Variants in ACTA2 observed in about 807,000 individuals in gnomAD.
ACTA2 encodes actin, aortic smooth muscle.
ACTA2 carries 12 observed loss-of-function variants against 39.5 expected under a neutral mutation model. The observed-to-expected ratio is 0.30, with a 90% CI of 0.19 to 0.49. ACTA2 has a LOEUF of 0.49. Among genes scored for constraint, ACTA2 ranks in the 20% least tolerant of loss-of-function variants. The pLI is 0.99. For synonymous variants in ACTA2, 158 were observed against 180.6 expected (o/e 0.88, Z 1.00); for missense variants, 236 against 498.8 (o/e 0.47, Z 5.02).
chr10:88,940,031 A>G (rs79865101), intron 6 of ACTA2: 9,366 of 374,012 alleles, frequency 0.025, 224 homozygotes, highest in South Asian at 0.078. Context: ...GGGCAGGATA[A>G]CTACTCTGTG....
intron 1 of ACTA2, among the ~76,000 whole-genome samples, chr10:88,960,468 C>T (rs758195915): frequency 3.9e-5 from 6 of 152,074 alleles, no homozygotes; most frequent in South Asian, 2.1e-4. Context: ...ATATTACCAC[C>T]GAGTGTTTTG....
chr10:88,973,244 T>A, intron 1 of ACTA2: 4 of 1,612,682 alleles, frequency 2.5e-6, no homozygotes, highest in Non-Finnish European at 3.4e-6. Context: ...CCCTGAAAAT[T>A]GGCTATGGAC....
upstream of ACTA2, among the ~76,000 whole-genome samples, chr10:88,955,360 T>C (rs1846121250): frequency 6.6e-6 from 1 of 152,236 alleles, no homozygotes; most frequent in Admixed American, 6.5e-5. Flanking sequence ...TCTAGACTGA[T>C]CATATGCATT....
At chr10:88,949,423 A>G (rs987020151) in intron 1 of ACTA2, among the ~76,000 whole-genome samples, 1 of 152,208 alleles carries the variant, frequency 6.6e-6, no homozygotes, top group African/African-American at 2.4e-5. Flanking sequence ...TCAAAAAGCT[A>G]GATTTTTGAG....
At chr10:88,967,253 A>C (rs541617404) in intron 1 of ACTA2, among the ~76,000 whole-genome samples, 1 of 152,322 alleles carries the variant, frequency 6.6e-6, no homozygotes, top group African/African-American at 2.4e-5. Context: ...TAGTTGGAAC[A>C]GGACAAGACT....
intron 4 of ACTA2, among the ~76,000 whole-genome samples, chr10:88,943,107 C>T (rs1845885518): frequency 6.6e-6 from 1 of 152,172 alleles, no homozygotes; most frequent in Admixed American, 6.5e-5. Context: ...AAATGCTGAG[C>T]CCAGTACTTG....
intron 1 of ACTA2, among the ~76,000 whole-genome samples, chr10:88,952,116 A>T (rs1242127720): frequency 1.3e-5 from 2 of 152,202 alleles, no homozygotes; most frequent in African/African-American, 4.8e-5. Context: ...ATGACCAATG[A>T]TGTAGATCCA....
At chr10:88,938,748 G>A (rs879532100) in intron 7 of ACTA2, among the ~76,000 whole-genome samples, 1 of 150,530 alleles carries the variant, frequency 6.6e-6, no homozygotes, top group African/African-American at 2.5e-5. Flanking sequence ...GGGTGGGGGT[G>A]GGGGTCTGGA....
At chr10:88,966,167 G>C (rs1693554925) in intron 1 of ACTA2, among the ~76,000 whole-genome samples, 1 of 152,188 alleles carries the variant, frequency 6.6e-6, no homozygotes, top group Admixed American at 6.6e-5. Context: ...GAAGCACTTG[G>C]ACAGAGGGTA....
chr10:88,954,990 A>C (rs1330452845), upstream of ACTA2, among the ~76,000 whole-genome samples: 1 of 151,112 alleles, frequency 6.6e-6, no homozygotes, highest in Non-Finnish European at 1.5e-5. Flanking sequence ...GGGTTATGGA[A>C]CAATTAGAAA....
chr10:88,983,529 G>A (rs527619519), intron 1 of ACTA2, among the ~76,000 whole-genome samples: 1 of 132,148 alleles, frequency 7.6e-6, no homozygotes, highest in Non-Finnish European at 1.6e-5. Flanking sequence ...GTCTTTCCAA[G>A]TTTCTTTTCT....
At chr10:88,983,609 C>CAAAA (rs71022549) in intron 1 of ACTA2, among the ~76,000 whole-genome samples, 14 of 46,460 alleles carry the variant, frequency 3.0e-4, no homozygotes, top group Admixed American at 7.2e-4. Flanking sequence ...ACAGGTTATG[C>CAAAA]AAAAAAAAAA....
intron 8 of ACTA2, among the ~76,000 whole-genome samples, 192 bp downstream of exon 8, chr10:88,937,869 A>G (rs1845771692): frequency 6.6e-6 from 1 of 152,218 alleles, no homozygotes; most frequent in African/African-American, 2.4e-5. Flanking sequence ...CAAATTTTAT[A>G]TAAAGTAACT....
chr10:88,939,329 CT>C, intron 7 of ACTA2, 177 bp downstream of exon 7: 3 of 762,158 alleles, frequency 3.9e-6, no homozygotes, highest in Admixed American at 2.2e-5. Context: ...GGAAGAAAAC[CT>C]TTTTCCTGGC....
chr10:88,953,240 T>C (rs1046759299), upstream of ACTA2, among the ~76,000 whole-genome samples: 2 of 152,336 alleles, frequency 1.3e-5, no homozygotes, highest in Middle Eastern at 6.8e-3. Flanking sequence ...AAGAAAGATA[T>C]TCCTTCAGTC....
rs1589438277 is a variant in ACTA2, at chr10:88,990,429, A to C, written c.-24+510T>G. The stretch of plus-strand genomic sequence containing the variant: ...CAGGAGGCCGGCTCTCGAGGTCCTC[A>C]CCTGAAGTGAGCATGCCAGCCACTG... On this transcript the variant is annotated intron_variant, in intron 1 of 4. Transcript: ENST00000415557. This position sits in a 1 kb window ranked among gnomAD's most constrained non-coding sequence, Gnocchi z 4.9. 2.1e-6 allele frequency: 1 copy of C among 481,662 alleles called. No homozygotes were observed. The highest frequency in any genetic ancestry group is 4.0e-6 in the Non-Finnish European group (1 of 249,920). The allele number at this position is 481,662 out of a possible 1,614,324, so 29.8% of individuals were successfully genotyped here.
chr10:88,939,773 A>T (rs1210812631), intron 6 of ACTA2, 75 bp from the exon 7 acceptor site: 40 of 1,464,580 alleles, frequency 2.7e-5, no homozygotes, highest in Non-Finnish European at 3.5e-5. Context: ...GCCCTACTGC[A>T]GTCTCTCCCT....
Position 88,990,809 on chromosome 10 carries a change from C to A in ACTA2, c.-24+130G>T, listed in dbSNP as rs755421023. 9 of 1,608,058 alleles carry A rather than the reference C, an allele frequency of 5.6e-6. No individual in the cohort carries two copies. On this transcript the variant is annotated intron_variant, in intron 1 of 4. Transcript: ENST00000415557. The surrounding 1 kb of genome is among the most constrained non-coding windows in gnomAD (Gnocchi z 4.9). ...CCAGGCGGAGCTGCCTCTTCTCCCG[C>A]GGGTTGGTGGACCCGCTCAGTACGG...
At chr10:88,965,924 C>A (rs1267640974) in intron 1 of ACTA2, among the ~76,000 whole-genome samples, 1 of 152,138 alleles carries the variant, frequency 6.6e-6, no homozygotes, top group Non-Finnish European at 1.5e-5. Context: ...TTTTTCCACT[C>A]CAGTCCTTGA....
Sources: gnomAD v4.1 joint callset for allele counts (sites outside exome capture counted in the v4.1 genomes callset) on GRCh38, gnomAD v4.1.1 for gene constraint, Gnocchi (gnomAD v3.1) non-coding constraint, MANE v1.5 for transcripts, NCBI Gene and HGNC (gene_info 2026-07-23, HGNC 2026-07-21) for gene names.